Variants in SMG7 observed in about 807,000 individuals in gnomAD.
The protein encoded by SMG7 is SMG7 nonsense mediated mRNA decay factor, also known as nonsense-mediated mRNA decay factor SMG7.
In SMG7, 34 loss-of-function variants were observed where a neutral mutation model predicts 148.2. The ratio of observed to expected loss-of-function variants is 0.23; its 90% CI spans 0.17 to 0.31. The LOEUF (loss-of-function observed/expected upper bound fraction) is 0.31. SMG7 is among the 10% of genes least tolerant of loss of function. The pLI is 1.00. For missense variants in SMG7, 1,114 were observed against 1,408.4 expected, an observed-to-expected ratio of 0.79 and a Z score of 3.35; for synonymous variants, 492 against 515.1, an observed-to-expected ratio of 0.96 and a Z score of 0.61.
At chr1:183,532,132 C>T (rs1166533827) in intron 8 of SMG7, among the ~76,000 whole-genome samples, 2 of 152,108 alleles carry the variant, frequency 1.3e-5, no homozygotes, top group Admixed American at 1.3e-4. Flanking sequence ...ATTTCAGGTT[C>T]TTTATGTAAA....
intron 12 of SMG7, among the ~76,000 whole-genome samples, chr1:183,540,206 G>C (rs764982175): frequency 5.3e-5 from 8 of 152,062 alleles, no homozygotes; most frequent in Non-Finnish European, 1.0e-4. Flanking sequence ...AGCCATACCT[G>C]TCAAGGTCCA....
Position 183,546,066 on chromosome 1 carries a change from C to T in SMG7, c.2471C>T (p.Thr824Ile), listed in dbSNP as rs780784372. ...MPVKQPYYLQ[T>I]QDPIKLFEPS... ...GTGAAACAGCCCTACTACCTTCAGA[C>T]CCAAGACCCCATAAAACTGTTTGAG... Residue 824 changes from threonine to isoleucine, a missense_variant, in exon 17 of 23, where the codon ACC (threonine) becomes ATC (isoleucine). By Grantham distance (89) the Thr-to-Ile change is moderately conservative (BLOSUM62 -1). This residue lies in a region of SMG7 where 788 missense variants were observed against 894.5 expected (regional missense o/e 0.88). Coordinates refer to ENST00000688051, the MANE Select transcript of SMG7 (RefSeq NM_001375584.1). The T allele has an allele frequency of 1.9e-6, 3 of 1,613,928 alleles. No individual in the cohort carries two copies. Among genetic ancestry groups the T allele is most frequent in the Non-Finnish European group, 2.5e-6 (3 of 1,179,988 alleles).
intron 4 of SMG7, among the ~76,000 whole-genome samples, chr1:183,518,228 C>G (rs1422205879): frequency 6.6e-6 from 1 of 151,974 alleles, no homozygotes; most frequent in Non-Finnish European, 1.5e-5. Flanking sequence ...GATTGCATAC[C>G]TGAGCCACTG....
intron 1 of SMG7, chr1:183,502,254 A>G (rs1659905971): frequency 4.0e-6 from 6 of 1,516,270 alleles, no homozygotes; most frequent in Non-Finnish European, 5.3e-6. Flanking sequence ...TCTATCTAGA[A>G]TGTCTTAAAC....
At chr1:183,537,615 G>A (rs1668024697) in intron 11 of SMG7, among the ~76,000 whole-genome samples, 1 of 152,184 alleles carries the variant, frequency 6.6e-6, no homozygotes, top group Admixed American at 6.5e-5. Context: ...AGTCACGATA[G>A]TATATCTTCT....
At position 183,526,695 on chromosome 1, in the gene SMG7, G is replaced by A. The variant is rs141839587; in HGVS notation, c.412G>A (p.Ala138Thr). Residue 138 changes from alanine (A) to threonine (T), a missense_variant, in exon 5 of 23, where the codon GCC (alanine) becomes ACC (threonine). Around this residue, in one of 4 missense-constraint regions of SMG7, gnomAD observed 216 missense variants for 329.1 expected, o/e 0.66. Coordinates refer to ENST00000688051, the MANE Select transcript of SMG7 (RefSeq NM_001375584.1). Reference protein sequence around the residue: ...IISNKQTHTSAIVKPQSSSCS... With the variant: ...IISNKQTHTSTIVKPQSSSCS... ...CAGCAATAAACAGACGCATACCAGC[G>A]CCATAGTGAAGCCACAGTCTAGCTC... The A allele has an allele frequency of 3.4e-5, 55 of 1,613,588 alleles. No individual in the cohort carries two copies. The highest frequency in any genetic ancestry group is 1.6e-4 in the African/African-American group (12 of 74,898).
chr1:183,551,283 C>T lies in SMG7; in HGVS notation c.3450+93C>T, dbSNP rs541072717. ...TAAATAGCTAGACTTCTCAGGCCCT[C>T]GGAGTTGACTGATACATAGCACATA... On this transcript the variant is annotated intron_variant, in intron 22 of 22. Coordinates refer to ENST00000688051, the MANE Select transcript of SMG7 (RefSeq NM_001375584.1). 6.4e-5 allele frequency: 80 copies of T among 1,258,950 alleles called. 1 individual carries two copies. The South Asian group carries it at 1.2e-3, about 19-fold the overall frequency. The allele number at this position is 1,258,950 out of a possible 1,614,324, so 78.0% of individuals were successfully genotyped here.
rs190188953 is a variant in SMG7 at position 183,545,127 on chromosome 1, A to G, written c.2185A>G (p.Met729Val). 226 of 1,614,118 alleles carry G rather than the reference A, an allele frequency of 1.4e-4. No homozygotes were observed. Among genetic ancestry groups the G allele is most frequent in the Non-Finnish European group, 3.0e-5 (35 of 1,179,996 alleles). The stretch of plus-strand genomic sequence containing the variant: ...GCAACGGCCCTCTGGACCAGGGCCA[A>G]TGAACCAGGGACCTCAACAATCACA... The part of the protein sequence containing the change: ...SQQRPSGPGP[M>V]NQGPQQSQPP... The change falls in exon 16 of 23, where the codon ATG (methionine) becomes GTG (valine). Residue 729 changes from methionine (M) to valine (V), a missense_variant. Physicochemically the swap from Met to Val is conservative, Grantham distance 21. Around this residue, in one of 4 missense-constraint regions of SMG7, gnomAD observed 788 missense variants for 894.5 expected, o/e 0.88. Coordinates refer to ENST00000688051, the MANE Select transcript of SMG7 (RefSeq NM_001375584.1).
At chr1:183,522,849 A>G (rs1665060715) in intron 4 of SMG7, among the ~76,000 whole-genome samples, 1 of 151,714 alleles carries the variant, frequency 6.6e-6, no homozygotes, top group African/African-American at 2.4e-5. Context: ...ATCATAGCTC[A>G]CTGAAGCCTC....
At chr1:183,542,925 ATATGTGTGTGTGTGTG>A (rs3835735) in intron 14 of SMG7, among the ~76,000 whole-genome samples, 44,239 of 141,546 alleles carry the variant, frequency 0.31, 7,625 homozygotes, top group East Asian at 0.52. Flanking sequence ...TAATATATAT[ATATGTGTGTGTGTGTG>A]TGTGTGTGTG....
At position 183,515,905 on chromosome 1, in the gene SMG7, A is replaced by G. The variant is rs781136199; in HGVS notation, c.93A>G (p.Thr31=). The G allele has an allele frequency of 1.1e-5, 18 of 1,613,372 alleles. 1 individual carries two copies. In the South Asian group the frequency reaches 1.9e-4, roughly 17 times the overall value. The change falls in exon 3 of 23, where the codon ACA becomes ACG. Residue 31 remains threonine (T), a synonymous_variant. Transcript: ENST00000688051. ...AGCTGGGTCCAGCTGAAGTCTGGAC[A>G]TCCAGGCAGGCTCTGCAGGACCTGT... ...DSKLGPAEVW[T]SRQALQDLYQ...
chr1:183,551,937 A>G lies in SMG7; in HGVS notation c.*6A>G. 6.2e-7 allele frequency: 1 copy of G among 1,613,168 alleles called. No homozygotes were observed. The highest frequency in any genetic ancestry group is 8.5e-7 in the Non-Finnish European group (1 of 1,179,448). ...CCATGAACCCTCCACACTGAGGCCA[A>G]AGTGGCAACCTGGGAATGAAGGCTC... On this transcript the variant is annotated 3_prime_UTR_variant, in exon 23 of 23. Transcript: ENST00000688051.
chr1:183,499,996 G>A (rs1051947998), intron 1 of SMG7, among the ~76,000 whole-genome samples: 2 of 151,980 alleles, frequency 1.3e-5, no homozygotes, highest in African/African-American at 2.4e-5. Context: ...GAAGGTACAG[G>A]GGTTGTTGCA....
intron 2 of SMG7, chr1:183,513,260 C>CTTTAGTA (rs1662598936): frequency 6.2e-6 from 1 of 160,498 alleles, no homozygotes; most frequent in Non-Finnish European, 1.3e-5. Flanking sequence ...ATTAACCAAA[C>CTTTAGTA]TTTAGTAGGT....
At chr1:183,525,065 A>G (rs1431218233) in intron 4 of SMG7, among the ~76,000 whole-genome samples, 2 of 152,164 alleles carry the variant, frequency 1.3e-5, no homozygotes, top group African/African-American at 4.8e-5. Flanking sequence ...TAATATTTGA[A>G]TGACGATATT....
At chr1:183,533,069 G>A in intron 8 of SMG7, 95 bp from the exon 9 acceptor site, 2 of 982,706 alleles carry the variant, frequency 2.0e-6, no homozygotes, top group Non-Finnish European at 3.1e-6. Context: ...TATTACACAT[G>A]GTGGTTCTAA....
At chr1:183,500,178 T>G (rs1659434913) in intron 1 of SMG7, among the ~76,000 whole-genome samples, 1 of 152,178 alleles carries the variant, frequency 6.6e-6, no homozygotes, top group South Asian at 2.1e-4. Context: ...ATGTTCTGTT[T>G]GAAGTTATAG....
chr1:183,476,962 A>G (rs1652355376), intron 1 of SMG7, among the ~76,000 whole-genome samples: 1 of 152,182 alleles, frequency 6.6e-6, no homozygotes, highest in Non-Finnish European at 1.5e-5. Flanking sequence ...GGAGAAGGTT[A>G]GGATAGGCCG....
chr1:183,537,133 T>G lies in SMG7; in HGVS notation c.1164-12T>G. On this transcript the variant is annotated splice_polypyrimidine_tract_variant and intron_variant, in intron 10 of 22. Transcript: ENST00000688051. ...ATAAAAATAAAGTCTGAACTCTTTCTTTAATTTACAGCATTTGGCCCTGGT... is the reference window on the plus strand; with the variant it reads ...ATAAAAATAAAGTCTGAACTCTTTCGTTAATTTACAGCATTTGGCCCTGGT... 6.2e-7 allele frequency: 1 copy of G among 1,604,920 alleles called. No homozygotes were observed. Among genetic ancestry groups the G allele is most frequent in the Non-Finnish European group, 8.5e-7 (1 of 1,171,754 alleles).
Sources: allele counts gnomAD v4.1 joint callset (sites outside exome capture counted in the v4.1 genomes callset), GRCh38; gene constraint gnomAD v4.1.1; regional missense constraint gnomAD v4.1.1; transcripts MANE v1.5; gene names NCBI Gene and HGNC (gene_info 2026-07-23, HGNC 2026-07-21).